AFAP1: variants seen among roughly 807,000 people sequenced by gnomAD.
AFAP1 encodes the protein actin filament associated protein 1.
In AFAP1, 75 loss-of-function variants were observed where a neutral mutation model predicts 93.9. The observed-to-expected ratio is 0.80, with a 90% CI of 0.66 to 0.97. AFAP1 has a LOEUF of 0.97. AFAP1 is among the 50% of genes least tolerant of loss of function. The pLI is 0.00. For missense variants in AFAP1, 1,201 were observed against 1,050.8 expected (o/e 1.14, Z -1.98); for synonymous variants, 517 against 430.7 (o/e 1.20, Z -2.48).
At chr4:7,885,466 G>A (rs1050884129) in intron 1 of AFAP1, among the ~76,000 whole-genome samples, 4 of 152,082 alleles carry the variant, frequency 2.6e-5, no homozygotes, top group Admixed American at 6.6e-5. Context: ...GCCTCAGGCC[G>A]ACCATCACCG....
At position 7,759,312 on chromosome 4, in the gene AFAP1, T is replaced by C. The variant is rs535622716; in HGVS notation, c.*4453A>G. 3 of 152,724 alleles carry C rather than the reference T, an allele frequency of 2.0e-5. No homozygotes were observed. In the South Asian group the frequency reaches 6.2e-4, roughly 32 times the overall value. 9.5% of individuals were successfully genotyped at this position (152,724 alleles called of 1,614,324 possible). ...ACACTTGTGCACGGTGAAGTTGAGA[T>C]TTTCTGGAAGACCAAAGCCGGAACT... On this transcript the variant is annotated 3_prime_UTR_variant, in exon 18 of 18. Transcript: ENST00000420658.
chr4:7,819,810 G>A (rs1386714194), intron 6 of AFAP1, among the ~76,000 whole-genome samples: 1 of 152,228 alleles, frequency 6.6e-6, no homozygotes, highest in Non-Finnish European at 1.5e-5. Flanking sequence ...GGATTCAAGA[G>A]CATTGGCTCA....
chr4:7,782,019 G>A (rs1170252209), intron 12 of AFAP1, among the ~76,000 whole-genome samples: 4 of 152,134 alleles, frequency 2.6e-5, no homozygotes, highest in Non-Finnish European at 4.4e-5. Context: ...TTCTCCTAGC[G>A]CAGGGCGTGG....
intron 1 of AFAP1, among the ~76,000 whole-genome samples, chr4:7,877,917 G>A (rs559229411): frequency 4.6e-5 from 7 of 152,254 alleles, no homozygotes; most frequent in African/African-American, 1.7e-4. Flanking sequence ...CAGTTCCCAG[G>A]ACGCAGGTGC....
At chr4:7,851,733 C>T (rs149422610) in intron 4 of AFAP1, among the ~76,000 whole-genome samples, 11 of 152,308 alleles carry the variant, frequency 7.2e-5, no homozygotes, top group Non-Finnish European at 8.8e-5. Context: ...TCCGAGTACC[C>T]TACCTGCCAA....
At position 7,939,328 on chromosome 4, in the gene AFAP1, G is replaced by T; in HGVS notation, c.-3+328C>A. ...GACCCCGCCCCACGAGTGGGTCTTCGCAGGGCCCCCTCTGACGCACACGGG... is the reference window on the plus strand; with the variant it reads ...GACCCCGCCCCACGAGTGGGTCTTCTCAGGGCCCCCTCTGACGCACACGGG... On this transcript the variant is annotated intron_variant, in intron 1 of 17. Transcript: ENST00000420658. The surrounding 1 kb of genome is among the most constrained non-coding windows in gnomAD (Gnocchi z 5.6). 1 of 313,182 alleles carries T rather than the reference G, an allele frequency of 3.2e-6. No homozygotes were observed. Among genetic ancestry groups the T allele is most frequent in the South Asian group, 2.4e-5 (1 of 41,910 alleles). 19.4% of individuals were successfully genotyped at this position (313,182 alleles called of 1,614,324 possible).
chr4:7,855,481 C>T lies in AFAP1; in HGVS notation c.319G>A (p.Glu107Lys). 6.2e-7 allele frequency: 1 copy of T among 1,609,998 alleles called. No individual in the cohort carries two copies. The highest frequency in any genetic ancestry group is 8.5e-7 in the Non-Finnish European group (1 of 1,177,376). The change falls in exon 4 of 18, where the codon GAA becomes AAA. Residue 107 changes from glutamate (E) to lysine (K), a missense_variant. Physicochemically the swap from Glu to Lys is moderately conservative, Grantham distance 56. Coordinates refer to ENST00000420658, the MANE Select transcript of AFAP1 (RefSeq NM_001134647.2). ...GGCCACTCACTTGATGTGATGTATT[C>T]CGGAGCTTTTCCGGGGCTCAGCGGC... Reference protein sequence around the residue: ...AVPLSPGKAPEYITSNYDSDA... With the variant: ...AVPLSPGKAPKYITSNYDSDA...
At chr4:7,831,957 G>A (rs1471446357) in intron 6 of AFAP1, among the ~76,000 whole-genome samples, 1 of 152,190 alleles carries the variant, frequency 6.6e-6, no homozygotes, top group African/African-American at 2.4e-5. Flanking sequence ...GCCCAACACA[G>A]TGAGAATGAA....
rs763049559 is a variant in AFAP1 at position 7,786,187 on chromosome 4, C to T, written c.1530+7G>A. 4 of 1,611,422 alleles carry T rather than the reference C, an allele frequency of 2.5e-6. No homozygotes were observed. The highest frequency in any genetic ancestry group is 1.1e-5 in the South Asian group (1 of 90,850). On this transcript the variant is annotated splice_region_variant and intron_variant, in intron 12 of 17. Transcript: ENST00000420658. ...ACCAACCATTACTCCAAAAAAAGGG[C>T]ACTCACCGAGCCGTTGATGCACGGG...
chr4:7,902,443 G>C (rs1380229386), intron 1 of AFAP1, among the ~76,000 whole-genome samples: 1 of 152,180 alleles, frequency 6.6e-6, no homozygotes, highest in Non-Finnish European at 1.5e-5. Flanking sequence ...CCTTAGACAG[G>C]AAGCTAAAGT....
At chr4:7,893,871 G>A (rs1718617131) in intron 1 of AFAP1, among the ~76,000 whole-genome samples, 1 of 152,192 alleles carries the variant, frequency 6.6e-6, no homozygotes, top group African/African-American at 2.4e-5. Context: ...GGTGTTTCCA[G>A]TGTAGAAGGG....
chr4:7,822,361 TA>T (rs1335838279), intron 6 of AFAP1, among the ~76,000 whole-genome samples: 2 of 152,116 alleles, frequency 1.3e-5, no homozygotes, highest in Non-Finnish European at 2.9e-5. Context: ...TCCAGCCCAG[TA>T]TTTCTCCCCT....
In AFAP1 at chr4:7,800,444, C is replaced by G. The variant is rs780371181; in HGVS notation, c.1264G>C (p.Glu422Gln). 1 of 1,614,092 alleles carries G rather than the reference C, an allele frequency of 6.2e-7. No individual in the cohort carries two copies. The highest frequency in any genetic ancestry group is 1.1e-5 in the South Asian group (1 of 91,070). ...ACAGCCCCTGGGAAATATCCTACCT[C>G]CAATACTGCAACCTCCTGGCCGTTG... ...LRNGQEVAVLEASSSEDMGRW... is the reference protein window; with the variant it reads ...LRNGQEVAVLQASSSEDMGRW... Residue 422 changes from glutamate (E) to glutamine (Q), a missense_variant and splice_region_variant, in exon 10 of 18, where the codon GAG (glutamate) becomes CAG (glutamine). Coordinates refer to ENST00000420658, the MANE Select transcript of AFAP1 (RefSeq NM_001134647.2).
chr4:7,815,886 G>A, intron 8 of AFAP1, 132 bp downstream of exon 8: 1 of 720,256 alleles, frequency 1.4e-6, no homozygotes, highest in Middle Eastern at 3.6e-4. Context: ...CCTCTGCCAT[G>A]ATGACGATAT....
chr4:7,810,147 G>A (rs1719884087), intron 8 of AFAP1, among the ~76,000 whole-genome samples: 1 of 152,236 alleles, frequency 6.6e-6, no homozygotes, highest in South Asian at 2.1e-4. Context: ...ACAGGTGTGA[G>A]CCACCGTGCC....
intron 1 of AFAP1, among the ~76,000 whole-genome samples, chr4:7,901,942 C>A (rs1272116557): frequency 6.6e-6 from 1 of 152,024 alleles, no homozygotes; most frequent in Non-Finnish European, 1.5e-5. Flanking sequence ...TGGAATGCAC[C>A]CCTCATTTGC....
intron 14 of AFAP1, chr4:7,776,856 A>G (rs374249024): frequency 6.6e-6 from 1 of 152,196 alleles, no homozygotes; most frequent in East Asian, 1.9e-4. Flanking sequence ...TGTTTCCCCA[A>G]TGAACTCAAT....
intron 1 of AFAP1, among the ~76,000 whole-genome samples, chr4:7,926,047 G>C (rs945684000): frequency 3.9e-5 from 6 of 152,164 alleles, no homozygotes; most frequent in East Asian, 3.9e-4. Context: ...TTTACCCCGA[G>C]GGAGAAGCGC....
At chr4:7,819,004 T>C in intron 7 of AFAP1, 72 bp downstream of exon 7, 1 of 1,339,206 alleles carries the variant, frequency 7.5e-7, no homozygotes, top group Admixed American at 2.5e-5. Flanking sequence ...CAGAGATTGT[T>C]ATCAAACTTT....
Sources: gnomAD v4.1 joint callset for allele counts (sites outside exome capture counted in the v4.1 genomes callset) on GRCh38, gnomAD v4.1.1 for gene constraint, Gnocchi (gnomAD v3.1) non-coding constraint, MANE v1.5 for transcripts, NCBI Gene and HGNC (gene_info 2026-07-23, HGNC 2026-07-21) for gene names.